KIAA0319L: variants seen among roughly 807,000 people sequenced by gnomAD.
KIAA0319L encodes KIAA0319 like, also known as dyslexia-associated protein KIAA0319-like protein.
In KIAA0319L, 55 loss-of-function variants were observed where a neutral mutation model predicts 120.1. The observed-to-expected ratio is 0.46, with a 90% CI of 0.37 to 0.57. The LOEUF (loss-of-function observed/expected upper bound fraction) is 0.57, where lower values mean the gene tolerates loss of function less well. Ranked by LOEUF, KIAA0319L falls within the 20% of genes least tolerant of loss-of-function variation. The probability of loss-of-function intolerance (pLI) is 0.00; values close to 1 mark genes in which losing one functional copy is unlikely to be tolerated. For synonymous variants in KIAA0319L, 398 were observed against 471.9 expected (o/e 0.84, Z 2.03); for missense variants, 1,049 against 1,255.3 (o/e 0.84, Z 2.48).
chr1:35,491,659 A>C (rs2148354132), intron 3 of KIAA0319L, among the ~76,000 whole-genome samples: 1 of 152,314 alleles, frequency 6.6e-6, no homozygotes, highest in East Asian at 1.9e-4. Context: ...AATCAATAAA[A>C]TAGAAAACAG....
intron 4 of KIAA0319L, among the ~76,000 whole-genome samples, 185 bp from the exon 5 acceptor site, chr1:35,475,091 T>C (rs1335945899): frequency 6.6e-6 from 1 of 152,230 alleles, no homozygotes; most frequent in African/African-American, 2.4e-5. Flanking sequence ...GAAAAGGATC[T>C]TTCAAAACTA....
At chr1:35,512,892 A>AT (rs988537031) in intron 2 of KIAA0319L, among the ~76,000 whole-genome samples, 1 of 150,038 alleles carries the variant, frequency 6.7e-6, no homozygotes, top group African/African-American at 2.5e-5. Context: ...AAAAAAAAAA[A>AT]GAATGAAAGA....
chr1:35,495,937 T>C (rs1462174599), intron 3 of KIAA0319L, among the ~76,000 whole-genome samples: 1 of 144,204 alleles, frequency 6.9e-6, no homozygotes, highest in Non-Finnish European at 1.5e-5. Flanking sequence ...ATTAGGAAAA[T>C]GCAAACCAAA....
At chr1:35,452,825 T>TCAAA (rs34021272) in intron 12 of KIAA0319L, among the ~76,000 whole-genome samples, 8,883 of 151,416 alleles carry the variant, frequency 0.059, 289 homozygotes, top group African/African-American at 0.071. Context: ...AATGCCTTTG[T>TCAAA]CAAACAAACA....
rs532576129 is a variant in KIAA0319L at position 35,473,991 on chromosome 1, T to A, written c.1015+814A>T. ...ACATACTTCAAAGGTGAAAGTAATG[T>A]TCATATTACAAAAGTTTTCTTAAAT... On this transcript the variant is annotated intron_variant, in intron 5 of 20. Transcript: ENST00000325722. Among the ~76,000 whole-genome samples, 13 of 152,364 alleles carry A rather than the reference T, an allele frequency of 8.5e-5. 1 individual carries two copies. In the South Asian group the frequency reaches 2.7e-3, roughly 32 times the overall value.
In KIAA0319L at chr1:35,441,048, T is replaced by A. The variant is rs757710365; in HGVS notation, c.2961A>T (p.Ala987=). 1.4e-5 allele frequency: 22 copies of A among 1,613,838 alleles called. No homozygotes were observed. The highest frequency in any genetic ancestry group is 1.7e-4 in the Middle Eastern group (1 of 6,060). The change falls in exon 20 of 21, where the codon GCA becomes GCT. Residue 987 remains alanine (A), a splice_region_variant and synonymous_variant. Coordinates refer to ENST00000325722, the MANE Select transcript of KIAA0319L (RefSeq NM_024874.5). ...ESLELKPTSR[A]GIKQKGLLLS... ...AGCTCTGGCACCCAGGGCCCCTACC[T>A]GCTCGGGAGGTTGGCTTCAGCTCCA...
At chr1:35,541,195 G>A (rs1646775280) in intron 2 of KIAA0319L, among the ~76,000 whole-genome samples, 1 of 151,968 alleles carries the variant, frequency 6.6e-6, no homozygotes, top group Admixed American at 6.6e-5. Context: ...ACCTGCCTCG[G>A]CCTCCCAAAC....
At chr1:35,470,187 T>C (rs1000901000) in intron 6 of KIAA0319L, among the ~76,000 whole-genome samples, 4 of 151,976 alleles carry the variant, frequency 2.6e-5, no homozygotes, top group African/African-American at 9.7e-5. Context: ...ACAAACATTT[T>C]AGATCTGTCA....
At chr1:35,466,117 T>C (rs1230202857) in intron 7 of KIAA0319L, among the ~76,000 whole-genome samples, 1 of 152,220 alleles carries the variant, frequency 6.6e-6, no homozygotes, top group African/African-American at 2.4e-5. Flanking sequence ...TGCACTGTGA[T>C]CTACCTACAG....
At chr1:35,489,223 CA>C (rs200338514) in intron 3 of KIAA0319L, among the ~76,000 whole-genome samples, 1 of 149,598 alleles carries the variant, frequency 6.7e-6, no homozygotes, top group Admixed American at 6.6e-5. Flanking sequence ...AAAACAAAAA[CA>C]AAAAAAAACA....
intron 4 of KIAA0319L, among the ~76,000 whole-genome samples, chr1:35,475,169 A>C (rs1253351335): frequency 1.3e-5 from 2 of 152,144 alleles, no homozygotes; most frequent in African/African-American, 4.8e-5. Flanking sequence ...AGTGGCTTCT[A>C]CTATTGCTAA....
At chr1:35,495,050 C>T (rs181855318) in intron 3 of KIAA0319L, among the ~76,000 whole-genome samples, 1 of 151,998 alleles carries the variant, frequency 6.6e-6, no homozygotes, top group Non-Finnish European at 1.5e-5. Context: ...ACAAAATAAC[C>T]CTAGACCTAA....
At chr1:35,445,522 C>A (rs1295470094) in intron 16 of KIAA0319L, among the ~76,000 whole-genome samples, 1 of 152,180 alleles carries the variant, frequency 6.6e-6, no homozygotes, top group African/African-American at 2.4e-5. Context: ...TCAACAGATA[C>A]CTCAAATCCA....
intron 2 of KIAA0319L, among the ~76,000 whole-genome samples, chr1:35,541,045 G>T (rs571594717): frequency 6.6e-6 from 1 of 151,992 alleles, no homozygotes; most frequent in Non-Finnish European, 1.5e-5. Flanking sequence ...GGGCTCGAGC[G>T]ATCCTCTTAC....
At chr1:35,443,735 G>A (rs1641404347) in intron 17 of KIAA0319L, among the ~76,000 whole-genome samples, 1 of 151,934 alleles carries the variant, frequency 6.6e-6, no homozygotes, top group South Asian at 2.1e-4. Context: ...CTAGAAGTGG[G>A]TTTAACAACT....
intron 3 of KIAA0319L, among the ~76,000 whole-genome samples, chr1:35,479,821 T>C (rs979403388): frequency 4.0e-5 from 6 of 151,776 alleles, no homozygotes; most frequent in Admixed American, 1.3e-4. Flanking sequence ...GAGAATCGCT[T>C]GAGCCTGGGA....
chr1:35,446,142 C>A (rs987460255), intron 16 of KIAA0319L, among the ~76,000 whole-genome samples: 1 of 151,886 alleles, frequency 6.6e-6, no homozygotes, highest in African/African-American at 2.4e-5. Flanking sequence ...GAACTATAAT[C>A]TCTGGGGCTA....
At chr1:35,470,818 CA>C in intron 6 of KIAA0319L, 44 bp downstream of exon 6, 1 of 1,147,926 alleles carries the variant, frequency 8.7e-7, no homozygotes, top group Non-Finnish European at 1.3e-6. Context: ...AGAAAACAGT[CA>C]ACTCCTCTAC....
chr1:35,543,240 T>C (rs1356626160), intron 2 of KIAA0319L, among the ~76,000 whole-genome samples: 5 of 152,164 alleles, frequency 3.3e-5, no homozygotes, highest in Admixed American at 2.6e-4. Flanking sequence ...CCTTGCATGG[T>C]TTGTGTTAAC....
Sources: allele counts gnomAD v4.1 joint callset (sites outside exome capture counted in the v4.1 genomes callset), GRCh38; gene constraint gnomAD v4.1.1; transcripts MANE v1.5; gene names NCBI Gene and HGNC (gene_info 2026-07-23, HGNC 2026-07-21).